HACD1: variants seen among roughly 807,000 people sequenced by gnomAD.
The protein encoded by HACD1 is very-long-chain (3R)-3-hydroxyacyl-CoA dehydratase 1.
Under a neutral mutation model 32.0 loss-of-function variants are expected in HACD1, and 41 were observed. The observed-to-expected ratio is 1.28, with a 90% CI of 1.00 to 1.66. The LOEUF is 1.66. HACD1 is among the 40% of genes most tolerant of loss of function. The probability of loss-of-function intolerance (pLI) is 0.00; values close to 1 mark genes in which losing one functional copy is unlikely to be tolerated. For synonymous variants in HACD1, 142 were observed against 139.0 expected (o/e 1.02, Z -0.15); for missense variants, 396 against 380.1 (o/e 1.04, Z -0.35).
At chr10:17,599,171 C>A (rs1157459190) in intron 5 of HACD1, 119 bp downstream of exon 5, 2 of 1,444,388 alleles carry the variant, frequency 1.4e-6, no homozygotes, top group Non-Finnish European at 1.8e-6. Context: ...ACCAGTTATA[C>A]CTCCTATAAC....
At chr10:17,611,065 G>A (rs1334211732) in intron 1 of HACD1, among the ~76,000 whole-genome samples, 1 of 146,508 alleles carries the variant, frequency 6.8e-6, no homozygotes, top group Non-Finnish European at 1.5e-5. Flanking sequence ...CAGTGGCATG[G>A]TCTCGGATCA....
In HACD1 at chr10:17,611,794, G is replaced by A. The variant is rs1832984045; in HGVS notation, c.257+5289C>T. Among the ~76,000 whole-genome samples the A allele has an allele frequency of 5.3e-5, 8 of 152,064 alleles. No homozygotes were observed. The South Asian group carries it at 1.5e-3, about 28-fold the overall frequency. On this transcript the variant is annotated intron_variant, in intron 1 of 6. Transcript: ENST00000361271. ...ATCCTGGCTAACACGGTGAAACCCCGTCTCTACTAAAAATACAAAAAAATT... is the reference window on the plus strand; with the variant it reads ...ATCCTGGCTAACACGGTGAAACCCCATCTCTACTAAAAATACAAAAAAATT...
intron 5 of HACD1, among the ~76,000 whole-genome samples, chr10:17,597,263 C>T (rs1179933968): frequency 1.3e-5 from 2 of 152,160 alleles, no homozygotes; most frequent in East Asian, 3.9e-4. Context: ...TCTCCTGCCT[C>T]GGCCTCCCAA....
In HACD1 at chr10:17,617,261, G is replaced by A; in HGVS notation, c.79C>T (p.Leu27=). The A allele has an allele frequency of 4.1e-6, 6 of 1,474,392 alleles. No homozygotes were observed. Among genetic ancestry groups the A allele is most frequent in the Non-Finnish European group, 5.4e-6 (6 of 1,118,624 alleles). 91.3% of individuals were successfully genotyped at this position (1,474,392 alleles called of 1,614,324 possible). A position where few individuals can be genotyped will look rare whatever the true frequency, so the allele number is the denominator to read the frequency against. The change falls in exon 1 of 7, where the codon CTG becomes TTG. Residue 27 remains leucine (L), a synonymous_variant. Coordinates refer to ENST00000361271, the MANE Select transcript of HACD1 (RefSeq NM_014241.4). ...AGWAGSPPTL[L]PLSPTSPRCA... ...CTGGGGGACGTGGGAGACAGCGGCA[G>A]GAGCGTGGGAGGGGACCCTGCCCAG...
chr10:17,597,206 G>A (rs1554816080), intron 5 of HACD1, among the ~76,000 whole-genome samples: 1 of 152,134 alleles, frequency 6.6e-6, no homozygotes, highest in East Asian at 1.9e-4. Context: ...GGAGTGCAGT[G>A]GTGTGATCTC....
intron 5 of HACD1, among the ~76,000 whole-genome samples, chr10:17,598,327 G>A (rs1834023304): frequency 6.7e-6 from 1 of 150,022 alleles, no homozygotes; most frequent in Admixed American, 6.7e-5. Context: ...TCCTTGGTTA[G>A]AGAGATTATA....
In HACD1 at chr10:17,617,359, C is replaced by G. The variant is rs964939711; in HGVS notation, c.-20G>C. The G allele has an allele frequency of 1.5e-6, 2 of 1,344,954 alleles. No individual in the cohort carries two copies. Among genetic ancestry groups the G allele is most frequent in the Non-Finnish European group, 1.9e-6 (2 of 1,053,670 alleles). 83.3% of individuals were successfully genotyped at this position (1,344,954 alleles called of 1,614,324 possible). A position where few individuals can be genotyped will look rare whatever the true frequency, so the allele number is the denominator to read the frequency against. Reference sequence around the variant, plus strand: ...CCCCATGTGCAGCGCGCAGGGGGCTCGGCGCAGCCAGCTCTACCGACCGCG... The same window carrying G: ...CCCCATGTGCAGCGCGCAGGGGGCTGGGCGCAGCCAGCTCTACCGACCGCG... On this transcript the variant is annotated 5_prime_UTR_variant, in exon 1 of 7. Transcript: ENST00000361271.
chr10:17,608,769 G>A (rs1834184707), intron 1 of HACD1, among the ~76,000 whole-genome samples: 1 of 152,100 alleles, frequency 6.6e-6, no homozygotes, highest in Admixed American at 6.6e-5. Flanking sequence ...TTACAGACGT[G>A]AGCCGCCACG....
intron 4 of HACD1, among the ~76,000 whole-genome samples, chr10:17,602,057 C>G (rs1834077402): frequency 6.7e-6 from 1 of 150,110 alleles, no homozygotes; most frequent in Non-Finnish European, 1.5e-5. Flanking sequence ...AGGAAATGTT[C>G]CTGTCATGGG....
intron 4 of HACD1, chr10:17,603,254 G>T: frequency 4.4e-6 from 1 of 225,280 alleles, no homozygotes; most frequent in Non-Finnish European, 8.7e-6. Context: ...GGATTGAAAA[G>T]AAACTTCTAT....
intron 6 of HACD1, 100 bp from the exon 7 acceptor site, chr10:17,590,546 C>A: frequency 9.1e-6 from 7 of 767,776 alleles, no homozygotes. Flanking sequence ...TAAATACATC[C>A]CATACCACTG....
At chr10:17,608,826 C>G (rs1156766679) in intron 1 of HACD1, among the ~76,000 whole-genome samples, 5 of 152,110 alleles carry the variant, frequency 3.3e-5, no homozygotes, top group African/African-American at 9.7e-5. Flanking sequence ...TCTAAACTGC[C>G]TTTTCTAGAT....
chr10:17,602,207 T>A (rs1052634323), intron 4 of HACD1, among the ~76,000 whole-genome samples: 4 of 151,984 alleles, frequency 2.6e-5, no homozygotes, highest in East Asian at 3.9e-4. Context: ...GTAGCTGGGA[T>A]GGCAGGCGCC....
chr10:17,607,797 T>A (rs1834169469), intron 1 of HACD1, among the ~76,000 whole-genome samples: 1 of 152,100 alleles, frequency 6.6e-6, no homozygotes, highest in African/African-American at 2.4e-5. Flanking sequence ...CATCGAAACA[T>A]CTATTCTAAC....
In HACD1 at chr10:17,589,504, G is replaced by A. The variant is rs1207026443; in HGVS notation, c.*860C>T. ...GGGGTCTTGCTATGTTGCCCAGACT[G>A]GCCTTGAACTTCTGGGCTCAAACGA... On this transcript the variant is annotated 3_prime_UTR_variant, in exon 7 of 7. Coordinates refer to ENST00000361271, the MANE Select transcript of HACD1 (RefSeq NM_014241.4). The A allele has an allele frequency of 6.6e-6, 1 of 152,084 alleles. No individual in the cohort carries two copies. 9.4% of individuals were successfully genotyped at this position (152,084 alleles called of 1,614,324 possible). A position where few individuals can be genotyped will look rare whatever the true frequency, so the allele number is the denominator to read the frequency against.
At chr10:17,612,163 A>T (rs1248466249) in intron 1 of HACD1, among the ~76,000 whole-genome samples, 1 of 151,842 alleles carries the variant, frequency 6.6e-6, no homozygotes, top group African/African-American at 2.4e-5. Flanking sequence ...TTAAAGGTGT[A>T]ATTCTTCTTC....
At position 17,617,324 on chromosome 10, in the gene HACD1, C is replaced by G. The variant is rs1554818290; in HGVS notation, c.16G>C (p.Glu6Gln). 2.1e-6 allele frequency: 3 copies of G among 1,434,194 alleles called. No homozygotes were observed. The highest frequency in any genetic ancestry group is 2.7e-5 in the Admixed American group (1 of 36,928). The allele number at this position is 1,434,194 out of a possible 1,614,324, so 88.8% of individuals were successfully genotyped here. Reference protein sequence around the residue: MGRLTEAAAAGSGSRA... With the variant: MGRLTQAAAAGSGSRA... ...GAGCCGCTGCCCGCTGCCGCCGCTT[C>G]CGTCAGGCGCCCCATGTGCAGCGCG... is the stretch of plus-strand genomic sequence containing the variant. The change falls in exon 1 of 7, where the codon GAA (glutamate) becomes CAA (glutamine). Residue 6 changes from glutamate to glutamine, a missense_variant. Coordinates refer to ENST00000361271, the MANE Select transcript of HACD1 (RefSeq NM_014241.4).
At chr10:17,612,783 G>C (rs944620991) in intron 1 of HACD1, among the ~76,000 whole-genome samples, 2 of 151,954 alleles carry the variant, frequency 1.3e-5, no homozygotes, top group South Asian at 2.1e-4. Flanking sequence ...TTAGCCGGGC[G>C]TGGTGGCGGG....
At position 17,617,245 on chromosome 10, in the gene HACD1, G is replaced by A. The variant is rs1450064931; in HGVS notation, c.95C>T (p.Thr32Met). 4.7e-6 allele frequency: 7 copies of A among 1,481,550 alleles called. No homozygotes were observed. In the East Asian group the frequency reaches 1.2e-4, roughly 25 times the overall value. 91.8% of individuals were successfully genotyped at this position (1,481,550 alleles called of 1,614,324 possible). ...SPPTLLPLSP[T>M]SPRCAATMAS... is the part of the protein sequence containing the mutation. ...CATGGTGGCCGCGCACCTGGGGGACGTGGGAGACAGCGGCAGGAGCGTGGG... is the reference window on the plus strand; with the variant it reads ...CATGGTGGCCGCGCACCTGGGGGACATGGGAGACAGCGGCAGGAGCGTGGG... Residue 32 changes from threonine (T) to methionine (M), a missense_variant, in exon 1 of 7, where the codon ACG becomes ATG. Physicochemically the swap from Thr to Met is moderately conservative, Grantham distance 81. Coordinates refer to ENST00000361271, the MANE Select transcript of HACD1 (RefSeq NM_014241.4).
Sources: allele counts gnomAD v4.1 joint callset (sites outside exome capture counted in the v4.1 genomes callset), GRCh38; gene constraint gnomAD v4.1.1; transcripts MANE v1.5; gene names NCBI Gene and HGNC (gene_info 2026-07-23, HGNC 2026-07-21).